Variants in CDH20 observed in about 807,000 individuals in gnomAD.
CDH20 encodes the protein cadherin 20.
Under a neutral mutation model 74.2 loss-of-function variants are expected in CDH20, and 29 were observed. That is an observed-to-expected ratio of 0.39 (90% CI 0.29 to 0.53). The LOEUF (loss-of-function observed/expected upper bound fraction) is 0.53, where lower values mean the gene tolerates loss of function less well. Ranked by LOEUF, CDH20 falls within the 20% of genes least tolerant of loss-of-function variation. The pLI, the probability that CDH20 is intolerant of heterozygous loss-of-function variation, is 0.69. For missense variants in CDH20, 988 were observed against 1,048.3 expected (o/e 0.94, Z 0.79); for synonymous variants, 469 against 405.4 (o/e 1.16, Z -1.88).
chr18:61,550,832 G>A (rs1028111725), intron 11 of CDH20, among the ~76,000 whole-genome samples: 2 of 152,184 alleles, frequency 1.3e-5, no homozygotes, highest in African/African-American at 2.4e-5. Flanking sequence ...AGGGATAGAC[G>A]CCACTTCAAA....
chr18:61,396,455 CT>C (rs1259288332), intron 1 of CDH20, among the ~76,000 whole-genome samples: 1 of 151,998 alleles, frequency 6.6e-6, no homozygotes, highest in Non-Finnish European at 1.5e-5. Context: ...AAAACATTCT[CT>C]TATACTTTTT....
chr18:61,422,675 T>C (rs1263468781), intron 1 of CDH20, among the ~76,000 whole-genome samples: 2 of 151,862 alleles, frequency 1.3e-5, no homozygotes, highest in East Asian at 1.9e-4. Context: ...AGCTTTTGAT[T>C]ACATGACATT....
At chr18:61,467,891 G>A (rs535808075) in intron 1 of CDH20, among the ~76,000 whole-genome samples, 1 of 152,288 alleles carries the variant, frequency 6.6e-6, no homozygotes, top group African/African-American at 2.4e-5. Flanking sequence ...TATCTATTGA[G>A]CATTTGCTGT....
chr18:61,336,213 G>A (rs1909755480), intron 1 of CDH20, among the ~76,000 whole-genome samples: 1 of 152,218 alleles, frequency 6.6e-6, no homozygotes, highest in Non-Finnish European at 1.5e-5. Flanking sequence ...ATCTAGCATT[G>A]CTTGTCCTCT....
intron 1 of CDH20, among the ~76,000 whole-genome samples, chr18:61,347,315 TATATACACAC>T (rs1170508800): frequency 5.4e-5 from 3 of 55,898 alleles, no homozygotes; most frequent in African/African-American, 1.2e-4. Flanking sequence ...TATATATATA[TATATACACAC>T]ACACACACAC....
rs572971472 is a variant in CDH20, at chr18:61,417,838, A to G, written c.-152-72564A>G. On this transcript the variant is annotated intron_variant, in intron 1 of 11. Coordinates refer to ENST00000262717, the MANE Select transcript of CDH20 (RefSeq NM_031891.4). ...AGTGTTCCTAACACAAGTAAATGAT[A>G]AATACTTGAGGTGATGGCTACCTCA... Among the ~76,000 whole-genome samples the G allele has an allele frequency of 2.0e-5, 3 of 152,312 alleles. No individual in the cohort carries two copies. The South Asian group carries it at 6.2e-4, about 32-fold the overall frequency.
intron 4 of CDH20, 93 bp from the exon 5 acceptor site, chr18:61,502,860 T>C: frequency 9.7e-7 from 1 of 1,032,004 alleles, no homozygotes; most frequent in Non-Finnish European, 1.4e-6. Flanking sequence ...CTTCTAGGCA[T>C]TAATGGTGCA....
At chr18:61,402,705 T>C (rs1441122052) in intron 1 of CDH20, among the ~76,000 whole-genome samples, 15 of 152,194 alleles carry the variant, frequency 9.9e-5, no homozygotes, top group Non-Finnish European at 1.5e-5. Flanking sequence ...AGTCTTATAA[T>C]AAAGGAGCAA....
chr18:61,503,373 T>TTAG (rs1911453013), intron 5 of CDH20, among the ~76,000 whole-genome samples: 17 of 152,230 alleles, frequency 1.1e-4, no homozygotes, highest in Admixed American at 7.2e-4. Context: ...AGACTTTCTT[T>TTAG]CCTGATTGCC....
At chr18:61,334,675 T>A (rs566998199) in intron 1 of CDH20, among the ~76,000 whole-genome samples, 66 of 152,052 alleles carry the variant, frequency 4.3e-4, no homozygotes, top group Non-Finnish European at 7.9e-4. Flanking sequence ...GGGGCAGCAG[T>A]GGGGGCTGAA....
chr18:61,536,752 C>A, intron 8 of CDH20, 123 bp downstream of exon 8: 1 of 848,460 alleles, frequency 1.2e-6, no homozygotes, highest in Non-Finnish European at 1.8e-6. Flanking sequence ...GGAAATCATG[C>A]TTTATGCAAG....
At chr18:61,431,509 A>G (rs1913254963) in intron 1 of CDH20, among the ~76,000 whole-genome samples, 1 of 152,176 alleles carries the variant, frequency 6.6e-6, no homozygotes, top group South Asian at 2.1e-4. Context: ...ATTGGTTCTA[A>G]TGTACCATAG....
At chr18:61,516,635 C>A (rs1215792612) in intron 6 of CDH20, among the ~76,000 whole-genome samples, 4 of 151,786 alleles carry the variant, frequency 2.6e-5, no homozygotes, top group African/African-American at 7.3e-5. Context: ...TTTTTATTTT[C>A]TATTATGAAT....
intron 5 of CDH20, among the ~76,000 whole-genome samples, chr18:61,503,576 A>C (rs1911461572): frequency 6.6e-6 from 1 of 152,204 alleles, no homozygotes; most frequent in South Asian, 2.1e-4. Context: ...GTAGATGGAC[A>C]CACCTGCCCA....
In CDH20 at chr18:61,369,355, T is replaced by C. The variant is rs185378450; in HGVS notation, c.-153+35528T>C. ...CAAAATATCCAGGATAGGTTTTTAA[T>C]CCCTTTAATTGTATGACAGACTTTT... On this transcript the variant is annotated intron_variant, in intron 1 of 11. Coordinates refer to ENST00000262717, the MANE Select transcript of CDH20 (RefSeq NM_031891.4). Among the ~76,000 whole-genome samples, 5 of 152,268 alleles carry C rather than the reference T, an allele frequency of 3.3e-5. No homozygotes were observed. In the East Asian group the frequency reaches 5.8e-4, roughly 18 times the overall value.
chr18:61,539,774 C>G (rs1321704934), intron 9 of CDH20, among the ~76,000 whole-genome samples: 1 of 152,174 alleles, frequency 6.6e-6, no homozygotes, highest in Non-Finnish European at 1.5e-5. Context: ...GACTCCCTGG[C>G]CTATCTCAGA....
chr18:61,526,973 G>C (rs901071493), intron 6 of CDH20, among the ~76,000 whole-genome samples: 57 of 152,270 alleles, frequency 3.7e-4, no homozygotes, highest in African/African-American at 1.4e-3. Context: ...CTGAGATCAC[G>C]AGTTCAAGAC....
At chr18:61,476,062 T>C (rs694555) in intron 1 of CDH20, among the ~76,000 whole-genome samples, 7,231 of 152,190 alleles carry the variant, frequency 0.048, 292 homozygotes, top group African/African-American at 0.11. Context: ...GAGTGCATTT[T>C]CTAAAGAGAG....
chr18:61,505,939 T>C (rs994647467), intron 5 of CDH20, among the ~76,000 whole-genome samples: 1 of 152,240 alleles, frequency 6.6e-6, no homozygotes, highest in Non-Finnish European at 1.5e-5. Flanking sequence ...TTGGCTATAC[T>C]CTTATGCCTA....
Sources: allele counts gnomAD v4.1 joint callset (sites outside exome capture counted in the v4.1 genomes callset), GRCh38; gene constraint gnomAD v4.1.1; transcripts MANE v1.5; gene names NCBI Gene and HGNC (gene_info 2026-07-23, HGNC 2026-07-21).